CNOT6: variants seen among roughly 807,000 people sequenced by gnomAD.
The protein encoded by CNOT6 is carbon catabolite repression 4 protein.
Under a neutral mutation model 61.2 loss-of-function variants are expected in CNOT6, and 12 were observed. That is an observed-to-expected ratio of 0.20 (90% CI 0.13 to 0.32). CNOT6 has a LOEUF of 0.32. Ranked by LOEUF, CNOT6 falls within the 10% of genes least tolerant of loss-of-function variation. CNOT6 has a pLI of 1.00. For synonymous variants in CNOT6, 225 were observed against 240.6 expected, an observed-to-expected ratio of 0.94 and a Z score of 0.60; for missense variants, 405 against 663.9, an observed-to-expected ratio of 0.61 and a Z score of 4.28.
chr5:180,525,266 G>A (rs1168701355), intron 1 of CNOT6, among the ~76,000 whole-genome samples: 1 of 152,144 alleles, frequency 6.6e-6, no homozygotes, highest in Non-Finnish European at 1.5e-5. Flanking sequence ...GCCGGGTGCG[G>A]TGGCTCATGC....
At chr5:180,513,063 ATT>A (rs1428243099) in intron 1 of CNOT6, among the ~76,000 whole-genome samples, 1 of 150,528 alleles carries the variant, frequency 6.6e-6, no homozygotes, top group Non-Finnish European at 1.5e-5. Context: ...TGCCCGGATA[ATT>A]TTTTTGTGTT....
intron 2 of CNOT6, among the ~76,000 whole-genome samples, chr5:180,533,329 TATATATATA>T (rs1326152819): frequency 4.3e-4 from 29 of 66,810 alleles, no homozygotes; most frequent in South Asian, 5.4e-4. Flanking sequence ...TATATATATA[TATATATATA>T]TATATCACCG....
chr5:180,523,207 T>C (rs1246728058), intron 1 of CNOT6, among the ~76,000 whole-genome samples: 1 of 152,196 alleles, frequency 6.6e-6, no homozygotes, highest in Non-Finnish European at 1.5e-5. Context: ...AGTGTGAGCA[T>C]AGAGGAAAAA....
intron 1 of CNOT6, among the ~76,000 whole-genome samples, chr5:180,511,382 C>T (rs71613462): frequency 0.27 from 40,825 of 151,706 alleles, 6,125 homozygotes; most frequent in Middle Eastern, 0.41. Flanking sequence ...GAGGCTGAGG[C>T]GGGTGGATCA....
At chr5:180,542,480 G>A (rs1424063160) in intron 2 of CNOT6, among the ~76,000 whole-genome samples, 1 of 152,154 alleles carries the variant, frequency 6.6e-6, no homozygotes, top group African/African-American at 2.4e-5. Context: ...GACCAGGCTT[G>A]TCTCGAACTC....
At chr5:180,569,381 A>C (rs55999117) in intron 10 of CNOT6, 41 bp downstream of exon 10, 25 of 1,425,236 alleles carry the variant, frequency 1.8e-5, no homozygotes, top group South Asian at 6.0e-5. Flanking sequence ...ATTTTTTGAC[A>C]TAAGATGATT....
At position 180,574,873 on chromosome 5, in the gene CNOT6, A is replaced by G. The variant is rs1760938737; in HGVS notation, c.*673A>G. 1 of 152,872 alleles carries G rather than the reference A, an allele frequency of 6.5e-6. No homozygotes were observed. 9.5% of individuals were successfully genotyped at this position (152,872 alleles called of 1,614,324 possible). On this transcript the variant is annotated 3_prime_UTR_variant, in exon 12 of 12. Coordinates refer to ENST00000261951, the MANE Select transcript of CNOT6 (RefSeq NM_001370472.1). The stretch of plus-strand genomic sequence containing the variant: ...ACTACTTTCTTTTTAAATTGAGAAC[A>G]TGGTTCTTTACATATAAATCTGCTT...
intron 1 of CNOT6, among the ~76,000 whole-genome samples, chr5:180,517,942 T>C (rs1454790385): frequency 1.3e-5 from 2 of 152,212 alleles, no homozygotes; most frequent in Non-Finnish European, 2.9e-5. Context: ...CGTGTCTCCA[T>C]ATTGTAATAG....
In CNOT6 at chr5:180,577,493, G is replaced by A. The variant is rs1452982640; in HGVS notation, c.*3293G>A. Reference sequence around the variant, plus strand: ...CACCGTTTTTTCAGTGAAGCTCTCAGAATGTCCAGTACAGATGTTGCAGAT... The same window carrying A: ...CACCGTTTTTTCAGTGAAGCTCTCAAAATGTCCAGTACAGATGTTGCAGAT... On this transcript the variant is annotated 3_prime_UTR_variant, in exon 12 of 12. Coordinates refer to ENST00000261951, the MANE Select transcript of CNOT6 (RefSeq NM_001370472.1). 6.6e-6 allele frequency: 1 copy of A among 152,590 alleles called. No individual in the cohort carries two copies. The highest frequency in any genetic ancestry group is 1.5e-5 in the Non-Finnish European group (1 of 68,020). The allele number at this position is 152,590 out of a possible 1,614,324, so 9.5% of individuals were successfully genotyped here.
intron 1 of CNOT6, among the ~76,000 whole-genome samples, chr5:180,500,975 G>A (rs1350918535): frequency 1.3e-5 from 2 of 152,140 alleles, no homozygotes; most frequent in African/African-American, 2.4e-5. Flanking sequence ...AGAAGGAACA[G>A]CATATTGGGA....
intron 2 of CNOT6, among the ~76,000 whole-genome samples, chr5:180,542,179 T>C (rs13164854): frequency 0.17 from 25,384 of 152,068 alleles, 2,215 homozygotes; most frequent in Non-Finnish European, 0.19. Context: ...TGTAGTTTTC[T>C]TTTGTTCTTT....
intron 3 of CNOT6, among the ~76,000 whole-genome samples, chr5:180,552,645 C>CAA (rs372136116): frequency 0.011 from 1,483 of 134,508 alleles, 14 homozygotes; most frequent in African/African-American, 0.03. Flanking sequence ...GACTCCGTCT[C>CAA]AAAAAAAAAA....
At chr5:180,505,724 T>A (rs559767605) in intron 1 of CNOT6, among the ~76,000 whole-genome samples, 5 of 150,340 alleles carry the variant, frequency 3.3e-5, no homozygotes, top group East Asian at 4.0e-4. Flanking sequence ...ATTTTTTGTA[T>A]TTTTTAGTAG....
At chr5:180,494,804 C>T (rs1306827251) in intron 1 of CNOT6, 41 bp downstream of exon 1, 2 of 151,974 alleles carry the variant, frequency 1.3e-5, no homozygotes, top group Non-Finnish European at 1.5e-5. Flanking sequence ...GGCGCCGCTC[C>T]TCTCTCCGGC....
At chr5:180,525,746 A>G (rs1403855067) in intron 1 of CNOT6, among the ~76,000 whole-genome samples, 5 of 152,118 alleles carry the variant, frequency 3.3e-5, no homozygotes, top group African/African-American at 1.2e-4. Flanking sequence ...GAAGAACTAG[A>G]AAAAACTAAA....
At chr5:180,541,946 C>T (rs1759072163) in intron 2 of CNOT6, among the ~76,000 whole-genome samples, 1 of 151,758 alleles carries the variant, frequency 6.6e-6, no homozygotes, top group Non-Finnish European at 1.5e-5. Flanking sequence ...CCTCAAACTC[C>T]TGGCCTCAAG....
intron 7 of CNOT6, among the ~76,000 whole-genome samples, chr5:180,566,333 G>A (rs923554664): frequency 6.6e-6 from 1 of 152,178 alleles, no homozygotes; most frequent in Admixed American, 6.6e-5. Context: ...TTAAGGCACC[G>A]TGTAAAAAGG....
intron 1 of CNOT6, among the ~76,000 whole-genome samples, chr5:180,509,303 G>A (rs1020795217): frequency 6.6e-6 from 1 of 151,606 alleles, no homozygotes; most frequent in Non-Finnish European, 1.5e-5. Flanking sequence ...GGTTAATTTT[G>A]GTATTTTTTT....
In CNOT6 at chr5:180,527,799, C is replaced by T. The variant is rs371733201; in HGVS notation, c.-2-1476C>T. 2.5e-4 allele frequency among the ~76,000 whole-genome samples: 38 copies of T among 152,266 alleles called. No homozygotes were observed. In the East Asian group the frequency reaches 2.9e-3, roughly 12 times the overall value. ...GTCCATGGCCTGTTAGGAACTGGGT[C>T]GCACAGCAGGAGGTGAGCGGCACGT... On this transcript the variant is annotated intron_variant, in intron 1 of 11. Transcript: ENST00000261951.
Sources: allele counts gnomAD v4.1 joint callset (sites outside exome capture counted in the v4.1 genomes callset), GRCh38; gene constraint gnomAD v4.1.1; transcripts MANE v1.5; gene names NCBI Gene and HGNC (gene_info 2026-07-23, HGNC 2026-07-21).